Variants in WWOX observed in about 807,000 individuals in gnomAD.
WWOX encodes the protein WW domain-containing oxidoreductase.
Under a neutral mutation model 46.2 loss-of-function variants are expected in WWOX, and 69 were observed. That is an observed-to-expected ratio of 1.49 (90% CI 1.23 to 1.82). The LOEUF (loss-of-function observed/expected upper bound fraction) is 1.82, where lower values mean the gene tolerates loss of function less well. Ranked by LOEUF, WWOX falls within the 40% of genes most tolerant of loss-of-function variation. The pLI is 0.00. For missense variants in WWOX, 919 were observed against 542.6 expected, an observed-to-expected ratio of 1.69 and a Z score of -6.89; for synonymous variants, 359 against 202.6, an observed-to-expected ratio of 1.77 and a Z score of -6.56.
Position 78,806,856 on chromosome 16 carries a change from C to T in WWOX, c.1056+374104C>T, listed in dbSNP as rs115419714. ...GGCCACTTTTGAAAGATGCAGTCTGCCACATAAGCAAACAGTTCGTGTCCT... is the reference window on the plus strand; with the variant it reads ...GGCCACTTTTGAAAGATGCAGTCTGTCACATAAGCAAACAGTTCGTGTCCT... On this transcript the variant is annotated intron_variant, in intron 8 of 8. Transcript: ENST00000566780. 3.7e-3 allele frequency among the ~76,000 whole-genome samples: 562 copies of T among 152,216 alleles called. 2 individuals carry two copies. Among genetic ancestry groups the T allele is most frequent in the Middle Eastern group, 0.02 (6 of 294 alleles).
At chr16:78,267,313 C>T (rs2151842941) in intron 5 of WWOX, among the ~76,000 whole-genome samples, 1 of 152,308 alleles carries the variant, frequency 6.6e-6, no homozygotes, top group Non-Finnish European at 1.5e-5. Context: ...GTGTGGAGTG[C>T]TTAATGTGGT....
intron 8 of WWOX, among the ~76,000 whole-genome samples, chr16:78,944,778 C>T (rs570008070): frequency 3.3e-5 from 5 of 152,292 alleles, no homozygotes; most frequent in African/African-American, 1.2e-4. Flanking sequence ...AGTAAGTGAG[C>T]ATGGCCCTGT....
intron 8 of WWOX, among the ~76,000 whole-genome samples, chr16:78,602,264 G>C (rs1054521603): frequency 6.6e-6 from 1 of 151,934 alleles, no homozygotes. Flanking sequence ...ACAGAGTCTC[G>C]ATCTGACAGC....
chr16:78,577,580 G>A (rs757005642), intron 8 of WWOX, among the ~76,000 whole-genome samples: 2 of 152,142 alleles, frequency 1.3e-5, no homozygotes, highest in Admixed American at 6.5e-5. Flanking sequence ...GCTTTGGGAC[G>A]ATGAACAATT....
At position 79,211,869 on chromosome 16, in the gene WWOX, C is replaced by T. The variant is rs868471612; in HGVS notation, c.*73C>T. On this transcript the variant is annotated 3_prime_UTR_variant, in exon 9 of 9. Coordinates refer to ENST00000566780, the MANE Select transcript of WWOX (RefSeq NM_016373.4). ...CCTCACGCAAGTGCCAGGGCTGGGC[C>T]CCTTCCAAATGTCCCTCCAACACAG... 2 of 1,595,642 alleles carry T rather than the reference C, an allele frequency of 1.3e-6. No individual in the cohort carries two copies. The highest frequency in any genetic ancestry group is 1.1e-5 in the South Asian group (1 of 89,338).
At chr16:78,767,563 C>G (rs974959290) in intron 8 of WWOX, among the ~76,000 whole-genome samples, 4 of 151,808 alleles carry the variant, frequency 2.6e-5, no homozygotes, top group East Asian at 1.9e-4. Flanking sequence ...TCTCTGCTTT[C>G]GATTCTTCTG....
intron 5 of WWOX, among the ~76,000 whole-genome samples, chr16:78,232,204 C>A (rs943177691): frequency 2.0e-5 from 3 of 152,122 alleles, no homozygotes; most frequent in Admixed American, 6.6e-5. Context: ...GGAAAACTTA[C>A]AATTGAAGAA....
At chr16:79,077,662 C>T (rs1597353080) in intron 8 of WWOX, 5 of 149,818 alleles carry the variant, frequency 3.3e-5, no homozygotes, top group Admixed American at 3.3e-4. Context: ...TTTTTCAAAC[C>T]ACAGGATTTA....
rs944002694 is a variant in WWOX at position 78,958,873 on chromosome 16, A to G, written c.1057-252735A>G. ...TTCCTTTGATTCAAAAGAAAAAAACATGTTTGTTGCATTCAACTCCATAGG... is the reference window on the plus strand; with the variant it reads ...TTCCTTTGATTCAAAAGAAAAAAACGTGTTTGTTGCATTCAACTCCATAGG... On this transcript the variant is annotated intron_variant, in intron 8 of 8. Coordinates refer to ENST00000566780, the MANE Select transcript of WWOX (RefSeq NM_016373.4). 3.9e-5 allele frequency among the ~76,000 whole-genome samples: 6 copies of G among 152,312 alleles called. No individual in the cohort carries two copies. In the East Asian group the frequency reaches 9.7e-4, roughly 25 times the overall value.
intron 6 of WWOX, among the ~76,000 whole-genome samples, chr16:78,409,951 T>C (rs1047936237): frequency 2.0e-5 from 3 of 152,222 alleles, no homozygotes; most frequent in African/African-American, 4.8e-5. Flanking sequence ...TGATAGAGTT[T>C]GCATGTTTTT....
intron 4 of WWOX, chr16:78,124,099 C>T (rs981675809): frequency 1.3e-5 from 2 of 152,028 alleles, no homozygotes; most frequent in Admixed American, 6.6e-5. Context: ...TTTGGCTTTA[C>T]AAAACTGCTT....
intron 8 of WWOX, among the ~76,000 whole-genome samples, chr16:79,134,941 G>A (rs1017326017): frequency 1.3e-5 from 2 of 152,194 alleles, no homozygotes; most frequent in African/African-American, 4.8e-5. Flanking sequence ...GTTCCAAACA[G>A]GGTATGTGTT....
intron 8 of WWOX, among the ~76,000 whole-genome samples, chr16:78,668,862 C>T (rs1437611322): frequency 1.3e-5 from 2 of 152,160 alleles, no homozygotes; most frequent in East Asian, 3.9e-4. Context: ...ACGTGGTGTT[C>T]ACTTGATAAC....
intron 8 of WWOX, among the ~76,000 whole-genome samples, chr16:78,743,693 G>T (rs189509580): frequency 6.6e-6 from 1 of 152,062 alleles, no homozygotes; most frequent in East Asian, 1.9e-4. Context: ...CCATTCAGCC[G>T]TTTGCATAGG....
intron 8 of WWOX, among the ~76,000 whole-genome samples, chr16:79,032,224 A>G (rs999674336): frequency 1.4e-5 from 2 of 146,364 alleles, no homozygotes; most frequent in African/African-American, 5.0e-5. Context: ...ACATATGTAT[A>G]TATGTATGTA....
chr16:79,021,154 C>G (rs530380910), intron 8 of WWOX, among the ~76,000 whole-genome samples: 2 of 152,094 alleles, frequency 1.3e-5, no homozygotes, highest in Non-Finnish European at 2.9e-5. Flanking sequence ...TGAATGAATT[C>G]GTGAATATGT....
chr16:78,577,512 A>G (rs1567656669), intron 8 of WWOX, among the ~76,000 whole-genome samples: 1 of 152,180 alleles, frequency 6.6e-6, no homozygotes. Context: ...CCTGGGTATG[A>G]TGCCCTAATT....
intron 5 of WWOX, among the ~76,000 whole-genome samples, chr16:78,324,990 A>G (rs907081982): frequency 4.6e-5 from 7 of 152,116 alleles, no homozygotes; most frequent in African/African-American, 1.7e-4. Context: ...CCCAGAGAAA[A>G]CCACTCAGGG....
chr16:79,173,672 G>C (rs1446797191), intron 8 of WWOX, among the ~76,000 whole-genome samples: 5 of 149,622 alleles, frequency 3.3e-5, no homozygotes, highest in Admixed American at 6.7e-5. Context: ...TGAAACCTTA[G>C]AATCAACCTG....
Sources: gnomAD v4.1 joint callset for allele counts (sites outside exome capture counted in the v4.1 genomes callset) on GRCh38, gnomAD v4.1.1 for gene constraint, MANE v1.5 for transcripts, NCBI Gene and HGNC (gene_info 2026-07-23, HGNC 2026-07-21) for gene names.